Variants in C11orf91 observed in about 807,000 individuals in gnomAD.
The protein encoded by C11orf91 is uncharacterized protein C11orf91.
C11orf91 carries 10 observed loss-of-function variants against 14.3 expected under a neutral mutation model. The observed-to-expected ratio is 0.70, with a 90% confidence interval of 0.43 to 1.18. The LOEUF is 1.18. Among genes scored for constraint, C11orf91 ranks in the 50% most tolerant of loss-of-function variants. The pLI, the probability that C11orf91 is intolerant of heterozygous loss-of-function variation, is 0.00. For missense variants in C11orf91, 236 were observed against 269.0 expected (o/e 0.88, Z 0.86); for synonymous variants, 141 against 130.6 (o/e 1.08, Z -0.54).
rs1853062606 is a variant in C11orf91 at position 33,698,469 on chromosome 11, T to C, written c.542A>G (p.Lys181Arg). 2 of 1,537,628 alleles carry C rather than the reference T, an allele frequency of 1.3e-6. No homozygotes were observed. The highest frequency in any genetic ancestry group is 1.7e-6 in the Non-Finnish European group (2 of 1,146,948). ...ALKDEKLQGL[K>R]TKQPGKKSAS... is the part of the protein sequence containing the mutation. ...CGACTTCTTTCCAGGTTGCTTGGTC[T>C]TCAGTCCTTGTAACTTTTCGTCTTT... The change falls in exon 2 of 2, where the codon AAG becomes AGG. Residue 181 changes from lysine to arginine, a missense_variant. Coordinates refer to ENST00000379011, the MANE Select transcript of C11orf91 (RefSeq NM_001166692.2).
At chr11:33,698,759 TTTC>T (rs1429298537) in intron 1 of C11orf91, among the ~76,000 whole-genome samples, 2 of 150,578 alleles carry the variant, frequency 1.3e-5, no homozygotes, top group Admixed American at 6.6e-5. Flanking sequence ...AAGTCCTGGA[TTTC>T]TTCTTCTTCT....
At chr11:33,699,570 TA>T (rs1353117136) in intron 1 of C11orf91, 1 of 456,290 alleles carries the variant, frequency 2.2e-6, no homozygotes, top group Non-Finnish European at 4.4e-6. Flanking sequence ...ATTCAGCTCG[TA>T]GGCTGAGGGA....
At chr11:33,698,774 A>ATTTTTTTTTTTTTTTTTTTTTTTTTTT (rs55712821) in intron 1 of C11orf91, among the ~76,000 whole-genome samples, 1 of 104,606 alleles carries the variant, frequency 9.6e-6, no homozygotes, top group Non-Finnish European at 1.8e-5. Context: ...TCTTCTTCTA[A>ATTTTTTTTTTTTTTTTTTTTTTTTTTT]TTTTTTTTTT....
chr11:33,702,815 C>G (rs1853153837), upstream of C11orf91: 1 of 249,594 alleles, frequency 4.0e-6, no homozygotes, highest in African/African-American at 2.3e-5. Context: ...GGACTCAAGA[C>G]TTGGGACCAA....
intron 1 of C11orf91, among the ~76,000 whole-genome samples, chr11:33,699,008 C>G (rs1229816331): frequency 6.6e-6 from 1 of 151,878 alleles, no homozygotes; most frequent in Non-Finnish European, 1.5e-5. Context: ...CTCAATGATC[C>G]TCTTGTTGGT....
chr11:33,702,322 G>A (rs1421707194), upstream of C11orf91, among the ~76,000 whole-genome samples: 2 of 152,106 alleles, frequency 1.3e-5, no homozygotes, highest in Admixed American at 6.5e-5. Flanking sequence ...CAGGTGTGGT[G>A]GCATTTGCCT....
intron 1 of C11orf91, chr11:33,699,493 A>G: frequency 2.2e-6 from 1 of 452,538 alleles, no homozygotes; most frequent in South Asian, 1.6e-5. Context: ...TGAAAGTTCT[A>G]CTTTGCAATA....
the C11orf91 span, chr11:33,706,285 T>C: frequency 6.6e-6 from 1 of 152,132 alleles, no homozygotes; most frequent in Non-Finnish European, 1.5e-5. Context: ...TTTAGATAAA[T>C]AAGATTATCC....
At position 33,699,521 on chromosome 11, in the gene C11orf91, A is replaced by G. The variant is rs148710596; in HGVS notation, c.496+724T>C. The G allele has an allele frequency of 3.8e-3, 1,721 of 456,218 alleles. 21 individuals are homozygous for G. Among genetic ancestry groups the G allele is most frequent in the South Asian group, 0.012 (779 of 64,568 alleles). The allele number at this position is 456,218 out of a possible 1,614,324, so 28.3% of individuals were successfully genotyped here. ...TTGCAATAGGTCCTTCTTGGAGTAC[A>G]AGGCATTTAACAACTTTACCCTCCA... On this transcript the variant is annotated intron_variant, in intron 1 of 1. Transcript: ENST00000379011.
In C11orf91 at chr11:33,700,800, C is replaced by G. The variant is rs1853113417; in HGVS notation, c.-60G>C. On this transcript the variant is annotated 5_prime_UTR_variant, in exon 1 of 2. Transcript: ENST00000379011. ...CGCCGGGAGACGCGCGCTCAGGCCC[C>G]GAGTCGCCGGGGTTTCGAGGTTCCA... The G allele has an allele frequency of 1.0e-5, 13 of 1,253,844 alleles. 1 individual carries two copies. The South Asian group carries it at 2.7e-4, about 26-fold the overall frequency. The allele number at this position is 1,253,844 out of a possible 1,614,324, so 77.7% of individuals were successfully genotyped here.
Position 33,700,490 on chromosome 11 carries a change from G to C in C11orf91, c.251C>G (p.Pro84Arg). The C allele has an allele frequency of 7.3e-7, 1 of 1,375,868 alleles. No homozygotes were observed. Among genetic ancestry groups the C allele is most frequent in the African/African-American group, 1.5e-5 (1 of 65,260 alleles). 85.2% of individuals were successfully genotyped at this position (1,375,868 alleles called of 1,614,324 possible). Residue 84 changes from proline to arginine, a missense_variant, in exon 1 of 2, where the codon CCC becomes CGC. Transcript: ENST00000379011. ...PPPPPPPGLGPSSERPWPSPW... is the reference protein window; with the variant it reads ...PPPPPPPGLGRSSERPWPSPW... ...CGAGGGCCAGGGGCGCTCGCTGGAG[G>C]GACCCAGGCCGGGTGGTGGCGGGGG...
At chr11:33,704,186 A>G (rs1446514297), upstream of C11orf91, 4 of 151,936 alleles carry the variant, frequency 2.6e-5, no homozygotes, top group African/African-American at 9.7e-5. Context: ...GTCTTGGAAT[A>G]CAAGAGTTGT....
chr11:33,700,731 C>A lies in C11orf91; in HGVS notation c.10G>T (p.Gly4Trp). 7.3e-7 allele frequency: 1 copy of A among 1,368,166 alleles called. No individual in the cohort carries two copies. The highest frequency in any genetic ancestry group is 1.7e-5 in the South Asian group (1 of 58,164). The allele number at this position is 1,368,166 out of a possible 1,614,324, so 84.8% of individuals were successfully genotyped here. The change falls in exon 1 of 2, where the codon GGG (glycine) becomes TGG (tryptophan). Residue 4 changes from glycine (G) to tryptophan (W), a missense_variant. Coordinates refer to ENST00000379011, the MANE Select transcript of C11orf91 (RefSeq NM_001166692.2). Reference protein sequence around the residue: MPKGRRGSHSPTMS... With the variant: MPKWRRGSHSPTMS... Reference sequence around the variant, plus strand: ...GTGGGGCTGTGGCTGCCGCGCCGCCCCTTTGGCATCGTTTGAATGAGGGTC... The same window carrying A: ...GTGGGGCTGTGGCTGCCGCGCCGCCACTTTGGCATCGTTTGAATGAGGGTC...
rs1853112356 is a variant in C11orf91, at chr11:33,700,750, G to A, written c.-10C>T. The A allele has an allele frequency of 7.5e-7, 1 of 1,333,516 alleles. No homozygotes were observed. Among genetic ancestry groups the A allele is most frequent in the Non-Finnish European group, 9.6e-7 (1 of 1,040,144 alleles). 82.6% of individuals were successfully genotyped at this position (1,333,516 alleles called of 1,614,324 possible). A position where few individuals can be genotyped will look rare whatever the true frequency, so the allele number is the denominator to read the frequency against. ...GCCGCCCCTTTGGCATCGTTTGAAT[G>A]AGGGTCTGCGTGGGAGGAACCCCGC... On this transcript the variant is annotated 5_prime_UTR_variant, in exon 1 of 2. Coordinates refer to ENST00000379011, the MANE Select transcript of C11orf91 (RefSeq NM_001166692.2).
chr11:33,700,721 C>A lies in C11orf91; in HGVS notation c.20G>T (p.Gly7Val), dbSNP rs577746897. Reference sequence around the variant, plus strand: ...CTGGCTCATGGTGGGGCTGTGGCTGCCGCGCCGCCCCTTTGGCATCGTTTG... The same window carrying A: ...CTGGCTCATGGTGGGGCTGTGGCTGACGCGCCGCCCCTTTGGCATCGTTTG... MPKGRR[G>V]SHSPTMSQRS... The change falls in exon 1 of 2, where the codon GGC (glycine) becomes GTC (valine). Residue 7 changes from glycine to valine, a missense_variant. Gly to Val is a moderately radical substitution (Grantham distance 109). Coordinates refer to ENST00000379011, the MANE Select transcript of C11orf91 (RefSeq NM_001166692.2). The A allele has an allele frequency of 1.5e-6, 2 of 1,376,564 alleles. No homozygotes were observed. Among genetic ancestry groups the A allele is most frequent in the South Asian group, 1.7e-5 (1 of 59,774 alleles). The allele number at this position is 1,376,564 out of a possible 1,614,324, so 85.3% of individuals were successfully genotyped here. A position where few individuals can be genotyped will look rare whatever the true frequency, so the allele number is the denominator to read the frequency against.
At chr11:33,705,868 G>C in the C11orf91 span, 1 of 152,118 alleles carries the variant, frequency 6.6e-6, no homozygotes, top group African/African-American at 2.4e-5. Flanking sequence ...CAATATTTTA[G>C]GTTGCCTAAT....
At chr11:33,705,983 G>A in the C11orf91 span, 1 of 152,272 alleles carries the variant, frequency 6.6e-6, no homozygotes, top group East Asian at 1.9e-4. Flanking sequence ...CACGTTGTAT[G>A]TAGCTGCGAA....
rs1385450173 is a variant in C11orf91 at position 33,700,331 on chromosome 11, T to C, written c.410A>G (p.His137Arg). 27 of 1,533,888 alleles carry C rather than the reference T, an allele frequency of 1.8e-5. No homozygotes were observed. The highest frequency in any genetic ancestry group is 8.7e-7 in the Non-Finnish European group (1 of 1,146,260). ...PSTPRLASAS[H>R]PEELCELEIR... ...CTCCAGCTCGCAGAGCTCCTCCGGGTGGGAGGCAGAGGCGAGCCTGGGGGT... is the reference window on the plus strand; with the variant it reads ...CTCCAGCTCGCAGAGCTCCTCCGGGCGGGAGGCAGAGGCGAGCCTGGGGGT... Residue 137 changes from histidine to arginine, a missense_variant, in exon 1 of 2, where the codon CAC becomes CGC. His to Arg is a conservative substitution (Grantham distance 29). Transcript: ENST00000379011.
chr11:33,700,579 C>T lies in C11orf91; in HGVS notation c.162G>A (p.Ala54=), dbSNP rs1470599559. The change falls in exon 1 of 2, where the codon GCG becomes GCA. Residue 54 remains alanine, a synonymous_variant. Coordinates refer to ENST00000379011, the MANE Select transcript of C11orf91 (RefSeq NM_001166692.2). ...GGGCCCCCGCCGCCCCGCCCACTGG[C>T]GCCCCGCCCGCCTTCAGCGGCACGA... The part of the protein sequence containing the change: ...KLFVPLKAGG[A]PVGGAAGARS... The T allele has an allele frequency of 1.4e-5, 20 of 1,456,638 alleles. No homozygotes were observed. In the South Asian group the frequency reaches 1.5e-4, roughly 11 times the overall value. The allele number at this position is 1,456,638 out of a possible 1,614,324, so 90.2% of individuals were successfully genotyped here.
Sources: allele counts gnomAD v4.1 joint callset (sites outside exome capture counted in the v4.1 genomes callset), GRCh38; gene constraint gnomAD v4.1.1; transcripts MANE v1.5; gene names NCBI Gene and HGNC (gene_info 2026-07-23, HGNC 2026-07-21).